GTF2IRD1: variants seen among roughly 807,000 people sequenced by gnomAD.
GTF2IRD1 encodes the protein general transcription factor II-I repeat domain-containing protein 1.
GTF2IRD1 carries 26 observed loss-of-function variants against 113.2 expected under a neutral mutation model. The ratio of observed to expected loss-of-function variants is 0.23; its 90% confidence interval spans 0.17 to 0.32. GTF2IRD1 has a LOEUF of 0.32. GTF2IRD1 is among the 10% of genes least tolerant of loss of function. The pLI is 1.00. For synonymous variants in GTF2IRD1, 484 were observed against 529.1 expected (o/e 0.91, Z 1.17); for missense variants, 864 against 1,280.8 (o/e 0.67, Z 4.97).
intron 1 of GTF2IRD1, among the ~76,000 whole-genome samples, chr7:74,454,589 C>CG (rs1317978280): frequency 4.3e-5 from 1 of 23,406 alleles, no homozygotes; most frequent in Non-Finnish European, 7.0e-5. Context: ...CCCCGCCTTT[C>CG]CCCCCTCCAC....
At chr7:74,465,133 G>C (rs782332333) in intron 1 of GTF2IRD1, among the ~76,000 whole-genome samples, 3 of 152,196 alleles carry the variant, frequency 2.0e-5, no homozygotes, top group Non-Finnish European at 4.4e-5. Context: ...AGTGAGGCCA[G>C]GTGGGGAGAG....
chr7:74,591,112 C>T (rs1158468663), intron 24 of GTF2IRD1, 95 bp downstream of exon 24: 1 of 731,004 alleles, frequency 1.4e-6, no homozygotes, highest in Non-Finnish European at 2.3e-6. Flanking sequence ...GATCCAGACC[C>T]AGGTGTACTG....
intron 3 of GTF2IRD1, among the ~76,000 whole-genome samples, chr7:74,514,478 C>G (rs1260976332): frequency 1.3e-5 from 2 of 152,190 alleles, no homozygotes; most frequent in Non-Finnish European, 1.5e-5. Context: ...GCACCAGGAA[C>G]TCGGCTGGTT....
At chr7:74,486,546 A>G (rs1795039991) in intron 1 of GTF2IRD1, among the ~76,000 whole-genome samples, 1 of 152,196 alleles carries the variant, frequency 6.6e-6, no homozygotes, top group South Asian at 2.1e-4. Context: ...TCTTGTGGTC[A>G]TCTCTGGCTG....
chr7:74,535,244 G>A (rs782282125), intron 10 of GTF2IRD1, 106 bp downstream of exon 10: 2 of 846,284 alleles, frequency 2.4e-6, no homozygotes, highest in African/African-American at 1.7e-5. Context: ...CCTCCCCTCA[G>A]GCAGGGAGGG....
At chr7:74,590,221 C>T (rs1801975467) in intron 23 of GTF2IRD1, among the ~76,000 whole-genome samples, 1 of 151,974 alleles carries the variant, frequency 6.6e-6, no homozygotes, top group African/African-American at 2.4e-5. Flanking sequence ...GCTGGGACTA[C>T]AAGCATGCGC....
At chr7:74,516,151 C>T (rs1796917582) in intron 4 of GTF2IRD1, among the ~76,000 whole-genome samples, 1 of 152,226 alleles carries the variant, frequency 6.6e-6, no homozygotes, top group African/African-American at 2.4e-5. Context: ...CGCGCTGTTA[C>T]ATCTTTTGAG....
At chr7:74,522,910 A>G (rs1797374499) in intron 7 of GTF2IRD1, among the ~76,000 whole-genome samples, 1 of 152,252 alleles carries the variant, frequency 6.6e-6, no homozygotes, top group African/African-American at 2.4e-5. Context: ...CTGATTATAA[A>G]TGAACCAATG....
intron 22 of GTF2IRD1, among the ~76,000 whole-genome samples, chr7:74,576,000 T>C (rs1455870543): frequency 6.7e-6 from 1 of 149,780 alleles, no homozygotes; most frequent in Non-Finnish European, 1.5e-5. Flanking sequence ...AGACCCCATC[T>C]CTAAAAAAAA....
intron 2 of GTF2IRD1, among the ~76,000 whole-genome samples, chr7:74,509,060 TA>T (rs202216688): frequency 1.8e-4 from 27 of 147,580 alleles, no homozygotes; most frequent in East Asian, 1.2e-3. Flanking sequence ...ATGGAAGTGT[TA>T]AAAAAAAAAA....
intron 1 of GTF2IRD1, among the ~76,000 whole-genome samples, chr7:74,459,218 G>A (rs1330846407): frequency 2.6e-5 from 4 of 152,106 alleles, no homozygotes; most frequent in Non-Finnish European, 2.9e-5. Flanking sequence ...TTTGCACTTC[G>A]GGAGACCGAG....
chr7:74,565,139 G>T (rs1306329865), intron 22 of GTF2IRD1, among the ~76,000 whole-genome samples: 1 of 152,136 alleles, frequency 6.6e-6, no homozygotes, highest in Non-Finnish European at 1.5e-5. Flanking sequence ...GACAACCCAC[G>T]CTCGACCCTG....
chr7:74,517,104 A>G (rs1386366292), intron 4 of GTF2IRD1, among the ~76,000 whole-genome samples: 3 of 141,494 alleles, frequency 2.1e-5, no homozygotes, highest in African/African-American at 7.9e-5. Flanking sequence ...GCTCATTACA[A>G]CCTCCCCCTC....
intron 1 of GTF2IRD1, among the ~76,000 whole-genome samples, chr7:74,458,167 G>T (rs181437414): frequency 6.6e-6 from 1 of 152,176 alleles, no homozygotes; most frequent in East Asian, 1.9e-4. Flanking sequence ...CACTGCGCCC[G>T]GTCCTGAGTT....
At chr7:74,601,813 C>T (rs1489702595) in intron 26 of GTF2IRD1, 3 of 168,978 alleles carry the variant, frequency 1.8e-5, no homozygotes, top group Admixed American at 5.5e-5. Flanking sequence ...CATGGTGGCA[C>T]GTGCCTGTGG....
At chr7:74,586,750 C>A (rs1385392842) in intron 22 of GTF2IRD1, among the ~76,000 whole-genome samples, 1 of 152,210 alleles carries the variant, frequency 6.6e-6, no homozygotes, top group African/African-American at 2.4e-5. Context: ...CCAAGCCACC[C>A]AGACGGGGTC....
At chr7:74,592,982 C>G (rs1802153815) in intron 24 of GTF2IRD1, among the ~76,000 whole-genome samples, 1 of 151,824 alleles carries the variant, frequency 6.6e-6, no homozygotes, top group Non-Finnish European at 1.5e-5. Context: ...CTCAGCCTCC[C>G]AAATAGCTGG....
In GTF2IRD1 at chr7:74,589,796, G is replaced by C. The variant is rs1431980846; in HGVS notation, c.2321-55G>C. ...GGGACGCCTGGTGGGAGAAGCAGCAGGTCCAGTGGCTAAGCTGGTGCCAAC... is the reference window on the plus strand; with the variant it reads ...GGGACGCCTGGTGGGAGAAGCAGCACGTCCAGTGGCTAAGCTGGTGCCAAC... On this transcript the variant is annotated intron_variant, in intron 22 of 26. Transcript: ENST00000424337. 13 of 1,065,378 alleles carry C rather than the reference G, an allele frequency of 1.2e-5. No homozygotes were observed. In the African/African-American group the frequency reaches 1.2e-4, roughly 10 times the overall value. 66.0% of individuals were successfully genotyped at this position (1,065,378 alleles called of 1,614,324 possible). A position where few individuals can be genotyped will look rare whatever the true frequency, so the allele number is the denominator to read the frequency against.
chr7:74,485,738 A>G (rs1554335460), intron 1 of GTF2IRD1, among the ~76,000 whole-genome samples: 1 of 152,094 alleles, frequency 6.6e-6, no homozygotes, highest in African/African-American at 2.4e-5. Flanking sequence ...CCTGGGCAAC[A>G]TAGCAAGACT....
Sources: allele counts gnomAD v4.1 joint callset (sites outside exome capture counted in the v4.1 genomes callset), GRCh38; gene constraint gnomAD v4.1.1; transcripts MANE v1.5; gene names NCBI Gene and HGNC (gene_info 2026-07-23, HGNC 2026-07-21).